NDST1: variants seen among roughly 807,000 people sequenced by gnomAD.
NDST1 encodes bifunctional heparan sulfate N-deacetylase/N-sulfotransferase 1.
NDST1 carries 35 observed loss-of-function variants against 92.8 expected under a neutral mutation model. The observed-to-expected ratio is 0.38, with a 90% CI of 0.29 to 0.50. NDST1 has a LOEUF of 0.50. Among genes scored for constraint, NDST1 ranks in the 20% least tolerant of loss-of-function variants. The probability of loss-of-function intolerance (pLI) is 0.94; values close to 1 mark genes in which losing one functional copy is unlikely to be tolerated. For missense variants in NDST1, 822 were observed against 1,182.7 expected (o/e 0.69, Z 4.47); for synonymous variants, 493 against 500.3 (o/e 0.99, Z 0.19).
At chr5:150,498,957 C>G (rs1239405350) in intron 1 of NDST1, among the ~76,000 whole-genome samples, 1 of 152,182 alleles carries the variant, frequency 6.6e-6, no homozygotes, top group Non-Finnish European at 1.5e-5. Flanking sequence ...CTGCCTATGG[C>G]CTCTGAAGTT....
At chr5:150,550,205 A>T (rs1296640527) in intron 13 of NDST1, among the ~76,000 whole-genome samples, 1 of 150,566 alleles carries the variant, frequency 6.6e-6, no homozygotes, top group Non-Finnish European at 1.5e-5. Flanking sequence ...GGCTCAAGTG[A>T]TCCTCCCACC....
At position 150,521,401 on chromosome 5, in the gene NDST1, G is replaced by A. The variant is rs376546047; in HGVS notation, c.147G>A (p.Ala49=). The A allele has an allele frequency of 5.2e-5, 84 of 1,613,116 alleles. 2 individuals carry two copies. The Middle Eastern group carries it at 1.2e-3, about 22-fold the overall frequency. The change falls in exon 2 of 15, where the codon GCG becomes GCA. Residue 49 remains alanine (A), a synonymous_variant. Coordinates refer to ENST00000261797, the MANE Select transcript of NDST1 (RefSeq NM_001543.5). The surrounding 1 kb of genome is among the most constrained non-coding windows in gnomAD (Gnocchi z 5.9). ...GGAAGCGAGGCCTGGAGCCCTCGGC[G>A]GATGCCCCCGAGCCTGACTGCGGGG... ...YGWKRGLEPS[A]DAPEPDCGDP... is the part of the protein sequence containing the mutation.
chr5:150,498,728 C>A (rs1311730067), intron 1 of NDST1, among the ~76,000 whole-genome samples: 1 of 152,242 alleles, frequency 6.6e-6, no homozygotes, highest in Non-Finnish European at 1.5e-5. Context: ...GTTCCTCAAG[C>A]TCCAGGGATG....
rs137903526 is a variant in NDST1, at chr5:150,528,217, A to G, written c.927A>G (p.Pro309=). ...TCACGGGGAAGCGCCTCTCCCTGCCATTGGACCGCTACATCCTGGTGGACA... is the reference window on the plus strand; with the variant it reads ...TCACGGGGAAGCGCCTCTCCCTGCCGTTGGACCGCTACATCCTGGTGGACA... The part of the protein sequence containing the change: ...AFLTGKRLSL[P]LDRYILVDID... The change falls in exon 3 of 15, where the codon CCA becomes CCG. Residue 309 remains proline (P), a synonymous_variant. Transcript: ENST00000261797. 6,975 of 1,614,080 alleles carry G rather than the reference A, an allele frequency of 4.3e-3. 148 individuals are homozygous for G. The South Asian group carries it at 0.044, about 10-fold the overall frequency.
chr5:150,544,701 G>A (rs1339828062), intron 10 of NDST1, among the ~76,000 whole-genome samples: 2 of 152,208 alleles, frequency 1.3e-5, no homozygotes, highest in Non-Finnish European at 2.9e-5. Context: ...GGTTTCCAGA[G>A]GTTCCTTCAT....
chr5:150,512,592 C>G (rs999590981), intron 1 of NDST1, among the ~76,000 whole-genome samples: 1 of 152,278 alleles, frequency 6.6e-6, no homozygotes, highest in Admixed American at 6.5e-5. Context: ...CTCCTTCCCT[C>G]TGGCGTCAGC....
At chr5:150,530,641 T>C (rs966939821) in intron 3 of NDST1, among the ~76,000 whole-genome samples, 1 of 150,514 alleles carries the variant, frequency 6.6e-6, no homozygotes, top group Non-Finnish European at 1.5e-5. Flanking sequence ...ACAGCTCACT[T>C]AAGTGATCCT....
intron 12 of NDST1, among the ~76,000 whole-genome samples, chr5:150,549,352 T>G (rs566230671): frequency 6.6e-6 from 1 of 151,652 alleles, no homozygotes; most frequent in East Asian, 1.9e-4. Context: ...ACTTGCGGAG[T>G]GTTTGAGCAG....
intron 3 of NDST1, among the ~76,000 whole-genome samples, chr5:150,529,648 T>C (rs1457270696): frequency 6.6e-6 from 1 of 152,116 alleles, no homozygotes; most frequent in African/African-American, 2.4e-5. Flanking sequence ...TAACAATAAA[T>C]CCAATGAAAA....
intron 8 of NDST1, among the ~76,000 whole-genome samples, chr5:150,541,085 C>T (rs1188219934): frequency 2.6e-5 from 4 of 152,228 alleles, no homozygotes; most frequent in Non-Finnish European, 5.9e-5. Flanking sequence ...TGGGCCAAAA[C>T]CAGCCTGAGA....
At chr5:150,504,108 A>G (rs1005701558), upstream of NDST1, among the ~76,000 whole-genome samples, 2 of 152,066 alleles carry the variant, frequency 1.3e-5, no homozygotes, top group Non-Finnish European at 2.9e-5. Context: ...CCCACACTTC[A>G]CTGGTGCCCA....
intron 1 of NDST1, among the ~76,000 whole-genome samples, chr5:150,512,622 C>T (rs1262451424): frequency 2.0e-5 from 3 of 152,260 alleles, no homozygotes; most frequent in African/African-American, 7.2e-5. Context: ...CTTCCTCTCT[C>T]TTTCTCAATT....
rs749969324 is a variant in NDST1, at chr5:150,551,784, C to G, written c.2458C>G (p.Leu820Val). The change falls in exon 14 of 15, where the codon CTG (leucine) becomes GTG (valine). Residue 820 changes from leucine to valine, a missense_variant. Physicochemically the swap from Leu to Val is conservative, Grantham distance 32. Transcript: ENST00000261797. ...FDPKKGFWCQ[L>V]LEGGKTKCLG... is the part of the protein sequence containing the mutation. ...TCCAAAGAAAGGATTTTGGTGCCAACTGCTTGAAGGAGGAAAAACCAAGTG... is the reference window on the plus strand; with the variant it reads ...TCCAAAGAAAGGATTTTGGTGCCAAGTGCTTGAAGGAGGAAAAACCAAGTG... 6.2e-7 allele frequency: 1 copy of G among 1,613,628 alleles called. No individual in the cohort carries two copies. The highest frequency in any genetic ancestry group is 1.1e-5 in the South Asian group (1 of 91,072).
rs1166873841 is a variant in NDST1 at position 150,554,788 on chromosome 5, A to G, written c.*1456A>G. On this transcript the variant is annotated 3_prime_UTR_variant, in exon 15 of 15. Coordinates refer to ENST00000261797, the MANE Select transcript of NDST1 (RefSeq NM_001543.5). ...TGGGATGCCCACCAAGGCCCACAGA[A>G]CTGTCTCCAGGCCCTTGTAGACAGT... 1 of 152,672 alleles carries G rather than the reference A, an allele frequency of 6.5e-6. No homozygotes were observed. 9.5% of individuals were successfully genotyped at this position (152,672 alleles called of 1,614,324 possible).
At chr5:150,501,015 G>A (rs190109585) in intron 1 of NDST1, among the ~76,000 whole-genome samples, 11 of 152,274 alleles carry the variant, frequency 7.2e-5, no homozygotes, top group African/African-American at 2.6e-4. Flanking sequence ...ATGAACCATC[G>A]TCACAGCCAC....
intron 1 of NDST1, among the ~76,000 whole-genome samples, chr5:150,509,685 A>G (rs775214982): frequency 4.6e-5 from 7 of 151,790 alleles, no homozygotes; most frequent in Admixed American, 6.6e-5. Context: ...CTAATTTTGT[A>G]TTGTTAGTAG....
At chr5:150,538,651 T>G (rs1398451946) in intron 6 of NDST1, among the ~76,000 whole-genome samples, 1 of 152,026 alleles carries the variant, frequency 6.6e-6, no homozygotes, top group Non-Finnish European at 1.5e-5. Flanking sequence ...GTAGGCAAGG[T>G]TTGTACATTT....
chr5:150,535,315 G>A (rs752417931), intron 5 of NDST1: 10 of 985,444 alleles, frequency 1.0e-5, no homozygotes, highest in Non-Finnish European at 1.2e-5. Flanking sequence ...CTTACTAGAA[G>A]GGGAGGCTCT....
At chr5:150,499,330 T>G (rs1004681757) in intron 1 of NDST1, among the ~76,000 whole-genome samples, 5 of 152,216 alleles carry the variant, frequency 3.3e-5, no homozygotes, top group African/African-American at 4.8e-5. Context: ...AGGTGAGGCA[T>G]GTACACTTCA....
Sources: gnomAD v4.1 joint callset for allele counts (sites outside exome capture counted in the v4.1 genomes callset) on GRCh38, gnomAD v4.1.1 for gene constraint, Gnocchi (gnomAD v3.1) non-coding constraint, MANE v1.5 for transcripts, NCBI Gene and HGNC (gene_info 2026-07-23, HGNC 2026-07-21) for gene names.